Variants in PAIP2 observed in about 807,000 individuals in gnomAD.
The protein encoded by PAIP2 is polyadenylate-binding protein-interacting protein 2.
Under a neutral mutation model 14.8 loss-of-function variants are expected in PAIP2, and 7 were observed. The observed-to-expected ratio is 0.47, with a 90% CI of 0.27 to 0.89. The LOEUF (loss-of-function observed/expected upper bound fraction) is 0.89. PAIP2 is among the 40% of genes least tolerant of loss of function. PAIP2 has a pLI of 0.13. For synonymous variants in PAIP2, 47 were observed against 45.3 expected (o/e 1.04, Z -0.15); for missense variants, 122 against 154.7 (o/e 0.79, Z 1.12).
intron 1 of PAIP2, among the ~76,000 whole-genome samples, chr5:139,351,529 AAG>A (rs1756733978): frequency 1.3e-5 from 2 of 152,270 alleles, no homozygotes; most frequent in Non-Finnish European, 2.9e-5. Context: ...TATATAAACA[AAG>A]AATTATGAAA....
chr5:139,356,364 T>G (rs960471797), intron 1 of PAIP2, among the ~76,000 whole-genome samples: 2 of 151,398 alleles, frequency 1.3e-5, no homozygotes, highest in African/African-American at 4.9e-5. Flanking sequence ...GAGAATCACT[T>G]GAACCCAGGA....
In PAIP2 at chr5:139,345,034, TTTG is replaced by T. The variant is rs369393131; in HGVS notation, c.-27+3078_-27+3080del. On this transcript the variant is annotated intron_variant, in intron 1 of 3. Transcript: ENST00000265192. ...AGCCTGGTTCCAGAGCCCATGGGTT[TTTG>T]TTGTTGTTGTTGTTGTTGTTGTTTT... Among the ~76,000 whole-genome samples the T allele has an allele frequency of 7.5e-3, 1,137 of 151,734 alleles. 20 individuals carry two copies. The highest frequency in any genetic ancestry group is 0.026 in the African/African-American group (1,067 of 41,402).
intron 3 of PAIP2, among the ~76,000 whole-genome samples, chr5:139,366,848 C>G (rs1457621378): frequency 1.3e-5 from 2 of 152,060 alleles, no homozygotes; most frequent in Admixed American, 1.3e-4. Flanking sequence ...ATTACTTTGG[C>G]CCAGGAGTTC....
chr5:139,352,462 T>C (rs1234058127), intron 1 of PAIP2, among the ~76,000 whole-genome samples: 3 of 151,644 alleles, frequency 2.0e-5, no homozygotes, highest in Admixed American at 1.3e-4. Context: ...GGAAAAAATA[T>C]TGGCTTTCTC....
chr5:139,366,624 G>C (rs1182554308), intron 3 of PAIP2, among the ~76,000 whole-genome samples: 1 of 152,212 alleles, frequency 6.6e-6, no homozygotes, highest in Non-Finnish European at 1.5e-5. Context: ...TTGCCCTGCA[G>C]AGTAACACTC....
intron 1 of PAIP2, among the ~76,000 whole-genome samples, chr5:139,362,302 C>T (rs1401441385): frequency 2.0e-5 from 3 of 151,796 alleles, no homozygotes; most frequent in Non-Finnish European, 4.4e-5. Flanking sequence ...CTCACTGTAC[C>T]CTCTGCCTCC....
chr5:139,344,711 A>T (rs1019766626), intron 1 of PAIP2, among the ~76,000 whole-genome samples: 1 of 152,088 alleles, frequency 6.6e-6, no homozygotes, highest in African/African-American at 2.4e-5. Flanking sequence ...ATCAGTTAGG[A>T]TGACCCATTC....
At chr5:139,366,009 G>A (rs1757228421) in intron 3 of PAIP2, among the ~76,000 whole-genome samples, 1 of 152,044 alleles carries the variant, frequency 6.6e-6, no homozygotes, top group Non-Finnish European at 1.5e-5. Flanking sequence ...AGACCAGCCT[G>A]ACCAACATGG....
chr5:139,364,463 T>C, intron 2 of PAIP2, 101 bp from the exon 3 acceptor site: 1 of 640,370 alleles, frequency 1.6e-6, no homozygotes, highest in East Asian at 2.8e-5. Flanking sequence ...GAAAAGAAAG[T>C]ATGACTTTGT....
At chr5:139,360,872 C>G (rs947114299) in intron 1 of PAIP2, among the ~76,000 whole-genome samples, 4 of 151,980 alleles carry the variant, frequency 2.6e-5, no homozygotes, top group African/African-American at 9.7e-5. Flanking sequence ...CCTCTGCCTC[C>G]CAGGTTCCAG....
At chr5:139,344,686 T>C (rs1309799507) in intron 1 of PAIP2, among the ~76,000 whole-genome samples, 1 of 152,168 alleles carries the variant, frequency 6.6e-6, no homozygotes. Flanking sequence ...GCATTTCTAA[T>C]GTACTTGAGC....
chr5:139,368,903 T>G lies in PAIP2; in HGVS notation c.*105T>G, dbSNP rs995671401. 2.8e-5 allele frequency: 23 copies of G among 813,348 alleles called. No individual in the cohort carries two copies. In the South Asian group the frequency reaches 3.6e-4, roughly 13 times the overall value. The allele number at this position is 813,348 out of a possible 1,614,324, so 50.4% of individuals were successfully genotyped here. On this transcript the variant is annotated 3_prime_UTR_variant, in exon 4 of 4. Transcript: ENST00000265192. Reference sequence around the variant, plus strand: ...CTCTCTTGTCACTGTGTTACACTTATGCATTGCCAAAGTTTTTGTTAGTCT... The same window carrying G: ...CTCTCTTGTCACTGTGTTACACTTAGGCATTGCCAAAGTTTTTGTTAGTCT...
intron 1 of PAIP2, among the ~76,000 whole-genome samples, chr5:139,342,264 C>A (rs1561954429): frequency 6.6e-6 from 1 of 152,010 alleles, no homozygotes; most frequent in African/African-American, 2.4e-5. Flanking sequence ...CGAGGGTTGC[C>A]GGGATAGCAC....
chr5:139,348,558 C>A (rs949985245), intron 1 of PAIP2, among the ~76,000 whole-genome samples: 28 of 151,472 alleles, frequency 1.8e-4, no homozygotes, highest in Non-Finnish European at 2.5e-4. Context: ...GGGGTTTCAC[C>A]GTGTTAGCCA....
chr5:139,348,436 G>A (rs1756624689), intron 1 of PAIP2, among the ~76,000 whole-genome samples: 1 of 151,154 alleles, frequency 6.6e-6, no homozygotes, highest in African/African-American at 2.4e-5. Context: ...CTGACTGCAA[G>A]CTCTGCCTCC....
At chr5:139,367,558 G>T (rs1176612554) in intron 3 of PAIP2, 1 of 152,038 alleles carries the variant, frequency 6.6e-6, no homozygotes, top group African/African-American at 2.4e-5. Context: ...TTAGTTAGGG[G>T]CAGGGCTGGG....
intron 1 of PAIP2, among the ~76,000 whole-genome samples, chr5:139,353,806 G>A (rs997261179): frequency 6.6e-6 from 1 of 150,996 alleles, no homozygotes; most frequent in African/African-American, 2.4e-5. Context: ...TGTACCCTCT[G>A]CCTCCCGGGT....
At chr5:139,356,803 C>G (rs1201614344) in intron 1 of PAIP2, among the ~76,000 whole-genome samples, 3 of 150,666 alleles carry the variant, frequency 2.0e-5, no homozygotes, top group African/African-American at 7.3e-5. Context: ...AGGAGAATCG[C>G]TTGAACCCGG....
chr5:139,362,804 T>G (rs1015080146), intron 1 of PAIP2, among the ~76,000 whole-genome samples: 4 of 151,980 alleles, frequency 2.6e-5, no homozygotes, highest in African/African-American at 9.7e-5. Context: ...CCTCCCAAAG[T>G]GCCGGGATTA....
Sources: gnomAD v4.1 joint callset for allele counts (sites outside exome capture counted in the v4.1 genomes callset) on GRCh38, gnomAD v4.1.1 for gene constraint, MANE v1.5 for transcripts, NCBI Gene and HGNC (gene_info 2026-07-23, HGNC 2026-07-21) for gene names.